Variants in SLC6A11 observed in about 807,000 individuals in gnomAD.
SLC6A11 encodes solute carrier family 6 member 11, also known as sodium- and chloride-dependent GABA transporter 3.
SLC6A11 carries 25 observed loss-of-function variants against 74.8 expected under a neutral mutation model. The observed-to-expected ratio is 0.33, with a 90% CI of 0.24 to 0.47. The LOEUF (loss-of-function observed/expected upper bound fraction) is 0.47. Among genes scored for constraint, SLC6A11 ranks in the 20% least tolerant of loss-of-function variants. The pLI is 1.00. For missense variants in SLC6A11, 574 were observed against 837.0 expected, an observed-to-expected ratio of 0.69 and a Z score of 3.88; for synonymous variants, 330 against 330.2, an observed-to-expected ratio of 1.00 and a Z score of 0.01.
rs558697882 is a variant in SLC6A11, at chr3:10,867,076, G to A, written c.757-7885G>A. Among the ~76,000 whole-genome samples, 264 of 152,320 alleles carry A rather than the reference G, an allele frequency of 1.7e-3. 2 individuals carry two copies. The highest frequency in any genetic ancestry group is 6.2e-3 in the African/African-American group (256 of 41,572). On this transcript the variant is annotated intron_variant, in intron 5 of 13. Coordinates refer to ENST00000254488, the MANE Select transcript of SLC6A11 (RefSeq NM_014229.3). ...ATGTTCAGTGCCATGCTTTCTGGCC[G>A]TATGGGATGGGCAGATGCACCTGAG...
rs1200003212 is a variant in SLC6A11 at position 10,816,743 on chromosome 3, A to G, written c.256+222A>G. Among the ~76,000 whole-genome samples the G allele has an allele frequency of 6.6e-6, 1 of 152,216 alleles. No individual in the cohort carries two copies. The highest frequency in any genetic ancestry group is 1.5e-5 in the Non-Finnish European group (1 of 68,030). On this transcript the variant is annotated intron_variant, in intron 1 of 13. Transcript: ENST00000254488. The surrounding 1 kb of genome is among the most constrained non-coding windows in gnomAD (Gnocchi z 4.2). ...TTCGCACCTGAGGGTTCCACCTGCCAGCGCGGGGACTTGCCCGCGTTCTGT... is the reference window on the plus strand; with the variant it reads ...TTCGCACCTGAGGGTTCCACCTGCCGGCGCGGGGACTTGCCCGCGTTCTGT...
intron 7 of SLC6A11, among the ~76,000 whole-genome samples, chr3:10,913,944 C>A (rs1695421354): frequency 6.6e-6 from 1 of 152,210 alleles, no homozygotes; most frequent in Admixed American, 6.5e-5. Flanking sequence ...CTGCCTGCCT[C>A]AGCCTCCCAA....
chr3:10,846,450 G>C (rs1351812896), intron 5 of SLC6A11, among the ~76,000 whole-genome samples: 2 of 152,162 alleles, frequency 1.3e-5, no homozygotes, highest in Non-Finnish European at 2.9e-5. Context: ...CACAAGGTTT[G>C]TGTATGGACA....
rs74932278 is a variant in SLC6A11, at chr3:10,892,244, C to T, written c.891+17149C>T. Among the ~76,000 whole-genome samples the T allele has an allele frequency of 9.3e-3, 1,420 of 152,332 alleles. 84 individuals carry two copies. In the South Asian group the frequency reaches 0.11, roughly 11 times the overall value. ...TCTCACTTCTCATATGCAAGCCAAGCGCTGGAAAGCCCTACAGGGCGAGTG... is the reference window on the plus strand; with the variant it reads ...TCTCACTTCTCATATGCAAGCCAAGTGCTGGAAAGCCCTACAGGGCGAGTG... On this transcript the variant is annotated intron_variant, in intron 6 of 13. Coordinates refer to ENST00000254488, the MANE Select transcript of SLC6A11 (RefSeq NM_014229.3).
chr3:10,895,535 G>T (rs1309092645), intron 6 of SLC6A11, among the ~76,000 whole-genome samples: 2 of 152,148 alleles, frequency 1.3e-5, no homozygotes, highest in African/African-American at 2.4e-5. Context: ...GCTTATAAGT[G>T]GGAACTGAGC....
intron 6 of SLC6A11, among the ~76,000 whole-genome samples, chr3:10,878,387 C>A (rs1694936010): frequency 6.6e-6 from 1 of 151,434 alleles, no homozygotes; most frequent in South Asian, 2.1e-4. Flanking sequence ...ACTTGACTGA[C>A]CAACCATCCA....
rs143124941 is a variant in SLC6A11 at position 10,844,250 on chromosome 3, C to T, written c.660C>T (p.His220=). The change falls in exon 5 of 14, where the codon CAC becomes CAT. Residue 220 remains histidine (H), a synonymous_variant. Coordinates refer to ENST00000254488, the MANE Select transcript of SLC6A11 (RefSeq NM_014229.3). ...RVLAISDGIE[H]IGNLRWELAL... ...TGGCCATCTCTGACGGGATCGAGCA[C>T]ATCGGGAACCTTCGCTGGGAGCTGG... The T allele has an allele frequency of 6.2e-7, 1 of 1,614,226 alleles. No homozygotes were observed. Among genetic ancestry groups the T allele is most frequent in the Non-Finnish European group, 8.5e-7 (1 of 1,180,038 alleles).
intron 7 of SLC6A11, among the ~76,000 whole-genome samples, chr3:10,913,874 T>C (rs1232135600): frequency 6.6e-6 from 1 of 152,116 alleles, no homozygotes; most frequent in Non-Finnish European, 1.5e-5. Flanking sequence ...TTTGTATTTT[T>C]AGTAGAGACG....
chr3:10,847,440 T>C (rs1468621203), intron 5 of SLC6A11, among the ~76,000 whole-genome samples: 1 of 152,164 alleles, frequency 6.6e-6, no homozygotes, highest in Non-Finnish European at 1.5e-5. Context: ...GAAGACTGGG[T>C]TTCTCCTCCA....
At chr3:10,879,305 A>G (rs959864306) in intron 6 of SLC6A11, among the ~76,000 whole-genome samples, 8 of 152,222 alleles carry the variant, frequency 5.3e-5, no homozygotes, top group African/African-American at 1.9e-4. Context: ...TGTGGCATAA[A>G]TAAGGATCGC....
At chr3:10,922,297 C>CA (rs1425356943) in intron 8 of SLC6A11, among the ~76,000 whole-genome samples, 2 of 151,768 alleles carry the variant, frequency 1.3e-5, no homozygotes, top group African/African-American at 4.8e-5. Context: ...ATAGATCTAA[C>CA]AAAAAAACAT....
chr3:10,884,645 C>G (rs536290922), intron 6 of SLC6A11, among the ~76,000 whole-genome samples: 3 of 152,298 alleles, frequency 2.0e-5, no homozygotes, highest in East Asian at 3.9e-4. Context: ...CCTGCCCAGT[C>G]CTGGGCTGGC....
intron 6 of SLC6A11, among the ~76,000 whole-genome samples, chr3:10,891,621 G>T (rs139923415): frequency 6.6e-6 from 1 of 152,330 alleles, no homozygotes; most frequent in African/African-American, 2.4e-5. Context: ...TTAAGAGCCA[G>T]TATGTAGGTC....
chr3:10,878,373 C>T (rs952525514), intron 6 of SLC6A11, among the ~76,000 whole-genome samples: 13 of 151,890 alleles, frequency 8.6e-5, no homozygotes, highest in African/African-American at 3.1e-4. Context: ...ACTGTCCTTC[C>T]CCAACTTGAC....
intron 6 of SLC6A11, among the ~76,000 whole-genome samples, chr3:10,898,382 T>C (rs188956209): frequency 2.6e-5 from 4 of 152,372 alleles, no homozygotes; most frequent in Admixed American, 1.3e-4. Context: ...TCCAAACTTT[T>C]ATGCTCTGCT....
chr3:10,874,659 A>G (rs959872298), intron 5 of SLC6A11, among the ~76,000 whole-genome samples: 1 of 152,060 alleles, frequency 6.6e-6, no homozygotes, highest in African/African-American at 2.4e-5. Flanking sequence ...ATACCTCCTG[A>G]TTAGTGATGC....
At position 10,909,995 on chromosome 3, in the gene SLC6A11, G is replaced by A. The variant is rs1695365610; in HGVS notation, c.892-2095G>A. Among the ~76,000 whole-genome samples the A allele has an allele frequency of 3.3e-5, 5 of 152,038 alleles. No individual in the cohort carries two copies. The South Asian group carries it at 1.0e-3, about 32-fold the overall frequency. On this transcript the variant is annotated intron_variant, in intron 6 of 13. Coordinates refer to ENST00000254488, the MANE Select transcript of SLC6A11 (RefSeq NM_014229.3). ...TCTCATACCCCCCACACATCGAAAT[G>A]TCTGGAGTTTGTTCTTGTCTTTCCT...
rs143348221 is a variant in SLC6A11 at position 10,893,693 on chromosome 3, C to T, written c.892-18397C>T. Among the ~76,000 whole-genome samples the T allele has an allele frequency of 4.6e-5, 7 of 152,228 alleles. No homozygotes were observed. The East Asian group carries it at 9.7e-4, about 21-fold the overall frequency. On this transcript the variant is annotated intron_variant, in intron 6 of 13. Transcript: ENST00000254488. ...GAGGCCTCCAGTTCCCACTGTGGGA[C>T]GAGAGTATTCCTTCTGCTGTCTTGT...
Position 10,871,450 on chromosome 3 carries a change from A to G in SLC6A11, c.757-3511A>G, listed in dbSNP as rs183454984. ...CTGGATAATTAATCTTCTGCCACACAACAGAGACAAAAGTGGAAATTACTA... is the reference window on the plus strand; with the variant it reads ...CTGGATAATTAATCTTCTGCCACACGACAGAGACAAAAGTGGAAATTACTA... On this transcript the variant is annotated intron_variant, in intron 5 of 13. Coordinates refer to ENST00000254488, the MANE Select transcript of SLC6A11 (RefSeq NM_014229.3). 5.0e-3 allele frequency among the ~76,000 whole-genome samples: 766 copies of G among 152,288 alleles called. 22 individuals are homozygous for G. Among genetic ancestry groups the G allele is most frequent in the Admixed American group, 0.043 (658 of 15,280 alleles).
Sources: allele counts gnomAD v4.1 joint callset (sites outside exome capture counted in the v4.1 genomes callset), GRCh38; gene constraint gnomAD v4.1.1; non-coding constraint Gnocchi (gnomAD v3.1); transcripts MANE v1.5; gene names NCBI Gene and HGNC (gene_info 2026-07-23, HGNC 2026-07-21).